Variants in HTR1E observed in about 807,000 individuals in gnomAD.
HTR1E encodes 5-HT-1E.
In HTR1E, 3 loss-of-function variants were observed where a neutral mutation model predicts 3.4. That is an observed-to-expected ratio of 0.89 (90% CI 0.41 to 2.31). The LOEUF is 2.31. Ranked by LOEUF, HTR1E falls within the 30% of genes most tolerant of loss-of-function variation. The pLI is 0.05. For synonymous variants in HTR1E, 170 were observed against 182.8 expected, an observed-to-expected ratio of 0.93 and a Z score of 0.56; for missense variants, 392 against 467.0, an observed-to-expected ratio of 0.84 and a Z score of 1.48.
intron 1 of HTR1E, among the ~76,000 whole-genome samples, chr6:86,962,800 T>G (rs1767427170): frequency 6.6e-6 from 1 of 152,134 alleles, no homozygotes; most frequent in Non-Finnish European, 1.5e-5. Context: ...ATTGTGCCAC[T>G]GCACTCCAGC....
intron 1 of HTR1E, among the ~76,000 whole-genome samples, chr6:86,955,718 G>A (rs1767311541): frequency 1.4e-5 from 2 of 143,600 alleles, no homozygotes; most frequent in African/African-American, 5.4e-5. Flanking sequence ...GTAGGCTTGA[G>A]TGAGTGAGAG....
intron 1 of HTR1E, among the ~76,000 whole-genome samples, chr6:86,992,800 G>A (rs1767889565): frequency 6.6e-6 from 1 of 152,132 alleles, no homozygotes; most frequent in African/African-American, 2.4e-5. Context: ...AGCTTCCAAA[G>A]ATTAAGTAAC....
At position 87,015,210 on chromosome 6, in the gene HTR1E, A is replaced by G. The variant is rs1306507708; in HGVS notation, c.-125A>G. 5 of 696,198 alleles carry G rather than the reference A, an allele frequency of 7.2e-6. No homozygotes were observed. The highest frequency in any genetic ancestry group is 1.1e-5 in the Non-Finnish European group (5 of 469,930). The allele number at this position is 696,198 out of a possible 1,614,324, so 43.1% of individuals were successfully genotyped here. A position where few individuals can be genotyped will look rare whatever the true frequency, so the allele number is the denominator to read the frequency against. ...CTTTACCAACAGAAAATGGAACACA[A>G]GAGACCACATAGCTGAACAAATTAT... On this transcript the variant is annotated 5_prime_UTR_variant, in exon 2 of 2. Transcript: ENST00000305344.
At chr6:86,961,375 T>A (rs1767404500) in intron 1 of HTR1E, among the ~76,000 whole-genome samples, 1 of 152,224 alleles carries the variant, frequency 6.6e-6, no homozygotes, top group Non-Finnish European at 1.5e-5. Context: ...TTTTTTTAAT[T>A]TAATTATTTT....
At chr6:86,983,020 A>G (rs1767734792) in intron 1 of HTR1E, among the ~76,000 whole-genome samples, 1 of 152,258 alleles carries the variant, frequency 6.6e-6, no homozygotes, top group African/African-American at 2.4e-5. Flanking sequence ...TTGCAAATTC[A>G]GAAACATATT....
At chr6:86,982,006 C>T (rs1047741970) in intron 1 of HTR1E, among the ~76,000 whole-genome samples, 62 of 152,310 alleles carry the variant, frequency 4.1e-4, no homozygotes, top group Middle Eastern at 3.4e-3. Context: ...ACCCTTAGCC[C>T]TCCACATGTG....
chr6:86,991,974 T>A (rs1474612520), intron 1 of HTR1E, among the ~76,000 whole-genome samples: 1 of 152,162 alleles, frequency 6.6e-6, no homozygotes, highest in Admixed American at 6.6e-5. Context: ...TGCCAATCAC[T>A]TGCATCACCT....
At chr6:87,012,400 G>A (rs1768252155) in intron 1 of HTR1E, among the ~76,000 whole-genome samples, 1 of 152,130 alleles carries the variant, frequency 6.6e-6, no homozygotes, top group Admixed American at 6.5e-5. Context: ...CTACATGAGG[G>A]TAGAGGGTGA....
intron 1 of HTR1E, among the ~76,000 whole-genome samples, chr6:86,993,776 A>G (rs554892974): frequency 1.3e-5 from 2 of 152,228 alleles, no homozygotes; most frequent in South Asian, 4.1e-4. Context: ...ATAAAAAGTC[A>G]GTCATCATAT....
At chr6:86,961,679 A>G (rs1350783006) in intron 1 of HTR1E, among the ~76,000 whole-genome samples, 1 of 152,220 alleles carries the variant, frequency 6.6e-6, no homozygotes, top group African/African-American at 2.4e-5. Flanking sequence ...GCTGAGCAGG[A>G]GAAGAGGGAT....
intron 1 of HTR1E, among the ~76,000 whole-genome samples, chr6:86,955,236 C>G (rs550203739): frequency 6.2e-4 from 95 of 152,308 alleles, no homozygotes; most frequent in Non-Finnish European, 9.8e-4. Context: ...TCAGGCAGGT[C>G]CACCTCCCTG....
At chr6:86,969,515 G>A (rs1467287916) in intron 1 of HTR1E, among the ~76,000 whole-genome samples, 5 of 152,148 alleles carry the variant, frequency 3.3e-5, no homozygotes, top group Admixed American at 2.0e-4. Flanking sequence ...ATTATTTTCC[G>A]CCATGTACTT....
chr6:87,003,516 G>C (rs1432128967), intron 1 of HTR1E, among the ~76,000 whole-genome samples: 1 of 150,112 alleles, frequency 6.7e-6, no homozygotes, highest in Non-Finnish European at 1.5e-5. Context: ...TCCAGCCTGG[G>C]CAACAGAGAG....
chr6:86,995,688 G>GAAAAAAAAAAAAAAAAAAAAAAAAAA (rs58476122), intron 1 of HTR1E, among the ~76,000 whole-genome samples: 4 of 55,206 alleles, frequency 7.2e-5, no homozygotes, highest in African/African-American at 1.0e-4. Context: ...AAAAAAAAAA[G>GAAAAAAAAAAAAAAAAAAAAAAAAAA]AAAAAAAAAA....
intron 1 of HTR1E, among the ~76,000 whole-genome samples, chr6:86,957,606 C>A (rs1252779165): frequency 6.6e-6 from 1 of 152,174 alleles, no homozygotes; most frequent in African/African-American, 2.4e-5. Flanking sequence ...TCACTTGGCA[C>A]TGGAGAAAAA....
intron 1 of HTR1E, among the ~76,000 whole-genome samples, chr6:86,942,799 T>C (rs903945098): frequency 2.6e-5 from 4 of 152,210 alleles, no homozygotes; most frequent in African/African-American, 7.2e-5. Context: ...GTCCGAGGCA[T>C]TGGAGAACCA....
chr6:87,013,491 T>A (rs1002731476), intron 1 of HTR1E, among the ~76,000 whole-genome samples: 4 of 152,174 alleles, frequency 2.6e-5, no homozygotes, highest in African/African-American at 9.7e-5. Context: ...TAGCTCTGAT[T>A]ATTGCAGTTA....
At chr6:86,992,806 G>A (rs958843443) in intron 1 of HTR1E, among the ~76,000 whole-genome samples, 1 of 152,152 alleles carries the variant, frequency 6.6e-6, no homozygotes, top group Admixed American at 6.5e-5. Flanking sequence ...CAAAGATTAA[G>A]TAACTTACCC....
At chr6:86,971,361 A>G (rs1420755884) in intron 1 of HTR1E, among the ~76,000 whole-genome samples, 1 of 152,220 alleles carries the variant, frequency 6.6e-6, no homozygotes, top group African/African-American at 2.4e-5. Flanking sequence ...GTTCTTCAGA[A>G]ACTTTATGGA....
Sources: gnomAD v4.1 joint callset for allele counts (sites outside exome capture counted in the v4.1 genomes callset) on GRCh38, gnomAD v4.1.1 for gene constraint, MANE v1.5 for transcripts, NCBI Gene and HGNC (gene_info 2026-07-23, HGNC 2026-07-21) for gene names.